The following SEMA5A variants were observed in gnomAD, a reference collection of about 807,000 sequenced individuals.
SEMA5A encodes semaphorin 5A.
In SEMA5A, 55 loss-of-function variants were observed where a neutral mutation model predicts 135.5. That is an observed-to-expected ratio of 0.41 (90% confidence interval 0.33 to 0.51). SEMA5A has a LOEUF of 0.51. SEMA5A is among the 20% of genes least tolerant of loss of function. SEMA5A has a pLI of 0.37. For missense variants in SEMA5A, 1,290 were observed against 1,419.9 expected (o/e 0.91, Z 1.47); for synonymous variants, 580 against 546.5 (o/e 1.06, Z -0.85).
rs1256579807 is a variant in SEMA5A at position 9,379,763 on chromosome 5, C to T, written c.124+60G>A. ...CGTGATGCTCTATTATCTTCTATCA[C>T]TAAACACAGAATGTGCATTTAGATG... On this transcript the variant is annotated intron_variant, in intron 3 of 22. Transcript: ENST00000382496. 1.5e-5 allele frequency: 23 copies of T among 1,583,734 alleles called. No homozygotes were observed. The East Asian group carries it at 5.2e-4, about 36-fold the overall frequency.
chr5:9,284,106 T>TAGAGAGAGAGAGAGAGAGAGAGAG (rs3034563), intron 5 of SEMA5A, among the ~76,000 whole-genome samples: 59 of 148,590 alleles, frequency 4.0e-4, no homozygotes, highest in African/African-American at 1.3e-3. Flanking sequence ...AGATAGATAT[T>TAGAGAGAGAGAGAGAGAGAGAGAG]AGAGAGAGAG....
Position 9,337,805 on chromosome 5 carries a change from G to C in SEMA5A, c.132C>G (p.Gly44=), listed in dbSNP as rs145319776. The part of the protein sequence containing the change: ...EHPVISYKEI[G]PWLREFRAKN... The stretch of plus-strand genomic sequence containing the variant: ...TCGCTCTGAACTCCCGTAACCAGGG[G>C]CCAATTTCTAAATAGAAAAAATAAA... The change falls in exon 4 of 23, where the codon GGC becomes GGG. Residue 44 remains glycine (G), a synonymous_variant. Transcript: ENST00000382496. 1 of 1,595,072 alleles carries C rather than the reference G, an allele frequency of 6.3e-7. No individual in the cohort carries two copies. Among genetic ancestry groups the C allele is most frequent in the Admixed American group, 1.7e-5 (1 of 59,124 alleles).
At chr5:9,199,288 GT>G (rs1745577960) in intron 9 of SEMA5A, among the ~76,000 whole-genome samples, 3 of 152,074 alleles carry the variant, frequency 2.0e-5, no homozygotes, top group Admixed American at 6.6e-5. Flanking sequence ...ACTTCTTCCT[GT>G]CCCCTGTGCC....
At chr5:9,510,145 A>C (rs1014982047) in intron 1 of SEMA5A, among the ~76,000 whole-genome samples, 1 of 152,200 alleles carries the variant, frequency 6.6e-6, no homozygotes, top group Non-Finnish European at 1.5e-5. Flanking sequence ...ATGCCATTTT[A>C]ACTCCCGTGG....
intron 12 of SEMA5A, among the ~76,000 whole-genome samples, chr5:9,137,142 G>A (rs1480534225): frequency 6.6e-6 from 1 of 152,114 alleles, no homozygotes; most frequent in African/African-American, 2.4e-5. Context: ...CTTTATTGAT[G>A]AGAAAACTGA....
chr5:9,311,022 C>G (rs918163623), intron 5 of SEMA5A, among the ~76,000 whole-genome samples: 1 of 151,904 alleles, frequency 6.6e-6, no homozygotes, highest in Non-Finnish European at 1.5e-5. Context: ...ATCAAGTAAT[C>G]TTAATATCAC....
intron 5 of SEMA5A, among the ~76,000 whole-genome samples, chr5:9,256,644 C>T (rs1749085066): frequency 6.6e-6 from 1 of 152,214 alleles, no homozygotes; most frequent in African/African-American, 2.4e-5. Flanking sequence ...TCTCCTCCAA[C>T]TATAATAACA....
intron 8 of SEMA5A, among the ~76,000 whole-genome samples, chr5:9,219,882 C>T (rs757750269): frequency 8.5e-5 from 13 of 152,100 alleles, no homozygotes; most frequent in Non-Finnish European, 1.0e-4. Flanking sequence ...AAGTGAACAT[C>T]GCATCTGTGG....
At chr5:9,193,890 CTG>C (rs1745247040) in intron 10 of SEMA5A, among the ~76,000 whole-genome samples, 1 of 151,562 alleles carries the variant, frequency 6.6e-6, no homozygotes, top group Non-Finnish European at 1.5e-5. Context: ...GAGCAAGACT[CTG>C]TCTCAAAAAC....
chr5:9,225,389 TAAAAAAAAAAAA>T (rs34806769), intron 7 of SEMA5A, among the ~76,000 whole-genome samples: 4 of 43,084 alleles, frequency 9.3e-5, no homozygotes, highest in Admixed American at 3.6e-4. Flanking sequence ...CCATCTCTAC[TAAAAAAAAAAAA>T]AAAAAAAAAA....
intron 5 of SEMA5A, among the ~76,000 whole-genome samples, chr5:9,304,667 AAT>A (rs1309729357): frequency 1.3e-5 from 2 of 152,184 alleles, no homozygotes; most frequent in South Asian, 2.1e-4. Flanking sequence ...TTCAGTTAGA[AAT>A]ATTATTCACT....
rs928781819 is a variant in SEMA5A at position 9,276,490 on chromosome 5, C to A, written c.271-38600G>T. Among the ~76,000 whole-genome samples the A allele has an allele frequency of 6.6e-5, 10 of 152,210 alleles. No homozygotes were observed. The Middle Eastern group carries it at 0.014, about 207-fold the overall frequency. On this transcript the variant is annotated intron_variant, in intron 5 of 22. Transcript: ENST00000382496. ...ATTTCATATGGAACCAAAAAAGAGCCCACATAACCAAGACAATCCTAAGCA... is the reference window on the plus strand; with the variant it reads ...ATTTCATATGGAACCAAAAAAGAGCACACATAACCAAGACAATCCTAAGCA...
At chr5:9,147,741 A>AAC (rs1176927515) in intron 12 of SEMA5A, among the ~76,000 whole-genome samples, 10 of 151,682 alleles carry the variant, frequency 6.6e-5, no homozygotes, top group African/African-American at 2.4e-4. Flanking sequence ...AAAAAAAAAA[A>AAC]ACCCACCTAA....
At chr5:9,267,859 G>T (rs926688095) in intron 5 of SEMA5A, among the ~76,000 whole-genome samples, 1 of 152,108 alleles carries the variant, frequency 6.6e-6, no homozygotes. Flanking sequence ...GGTACAAAGG[G>T]TTTTATTATA....
chr5:9,513,307 G>C (rs1736321942), intron 1 of SEMA5A, among the ~76,000 whole-genome samples: 1 of 151,198 alleles, frequency 6.6e-6, no homozygotes, highest in South Asian at 2.1e-4. Flanking sequence ...TAATAATCTA[G>C]CAAAGAATCC....
chr5:9,458,056 C>T (rs895561369), intron 1 of SEMA5A, among the ~76,000 whole-genome samples: 6 of 151,860 alleles, frequency 4.0e-5, no homozygotes, highest in Non-Finnish European at 5.9e-5. Flanking sequence ...TACAGCCACC[C>T]GCCAACACGC....
chr5:9,177,296 T>C (rs994808264), intron 11 of SEMA5A, among the ~76,000 whole-genome samples: 1 of 152,194 alleles, frequency 6.6e-6, no homozygotes, highest in South Asian at 2.1e-4. Context: ...GGGTGCAGGT[T>C]ACAGAAAATG....
At chr5:9,351,782 A>G (rs1389254837) in intron 3 of SEMA5A, among the ~76,000 whole-genome samples, 2 of 152,194 alleles carry the variant, frequency 1.3e-5, no homozygotes, top group African/African-American at 4.8e-5. Flanking sequence ...GTCCCCATGG[A>G]CTTCCAGACA....
rs1464822934 is a variant in SEMA5A at position 9,384,657 on chromosome 5, TAG to T, written c.-77-4636_-77-4635del. Among the ~76,000 whole-genome samples, 62 of 126,026 alleles carry T rather than the reference TAG, an allele frequency of 4.9e-4. 2 individuals carry two copies. Among genetic ancestry groups the T allele is most frequent in the East Asian group, 1.6e-3 (7 of 4,244 alleles). The allele number at this position is 126,026 out of a possible 152,430, so 82.7% of individuals were successfully genotyped here. A position where few individuals can be genotyped will look rare whatever the true frequency, so the allele number is the denominator to read the frequency against. On this transcript the variant is annotated intron_variant, in intron 2 of 22. Transcript: ENST00000382496. ...ATAGATAGATAGATAGATAGATAGA[TAG>T]ATATAGATAGATAGATATAGATAGA...
Sources: allele counts gnomAD v4.1 joint callset (sites outside exome capture counted in the v4.1 genomes callset), GRCh38; gene constraint gnomAD v4.1.1; transcripts MANE v1.5; gene names NCBI Gene and HGNC (gene_info 2026-07-23, HGNC 2026-07-21).